The following TCEA3 variants were observed in gnomAD, a reference collection of about 807,000 sequenced individuals.
TCEA3 encodes the protein transcription elongation factor A3, also known as transcription elongation factor A protein 3.
In TCEA3, 36 loss-of-function variants were observed where a neutral mutation model predicts 44.0. The ratio of observed to expected loss-of-function variants is 0.82; its 90% CI spans 0.63 to 1.08. The LOEUF (loss-of-function observed/expected upper bound fraction) is 1.08. Among genes scored for constraint, TCEA3 ranks in the 50% least tolerant of loss-of-function variants. The pLI, the probability that TCEA3 is intolerant of heterozygous loss-of-function variation, is 0.00. For synonymous variants in TCEA3, 162 were observed against 159.7 expected (o/e 1.01, Z -0.11); for missense variants, 392 against 441.2 (o/e 0.89, Z 1.00).
intron 1 of TCEA3, among the ~76,000 whole-genome samples, chr1:23,422,295 C>T (rs985379151): frequency 2.0e-5 from 3 of 152,070 alleles, no homozygotes; most frequent in South Asian, 2.1e-4. Context: ...TGTCAGTAGC[C>T]GTGTCTCATA....
At chr1:23,399,080 A>G (rs557552864) in intron 5 of TCEA3, among the ~76,000 whole-genome samples, 152 of 147,030 alleles carry the variant, frequency 1.0e-3, no homozygotes, top group African/African-American at 3.6e-3. Flanking sequence ...CACCTATGCT[A>G]TAATCTATGA....
At position 23,384,359 on chromosome 1, in the gene TCEA3, C is replaced by T; in HGVS notation, c.1025G>A (p.Gly342Asp). 8 of 1,613,958 alleles carry T rather than the reference C, an allele frequency of 5.0e-6. No homozygotes were observed. The highest frequency in any genetic ancestry group is 6.8e-6 in the Non-Finnish European group (8 of 1,179,876). The change falls in exon 10 of 11, where the codon GGC (glycine) becomes GAC (aspartate). Residue 342 changes from glycine to aspartate, a missense_variant. Coordinates refer to ENST00000450454, the MANE Select transcript of TCEA3 (RefSeq NM_003196.3). ...MTTFVLCNEC[G>D]NRWKFC ...AAACATACAGACCTTCCAGCGATTG[C>T]CACATTCATTGCATAAGACAAAGGT...
chr1:23,416,037 G>A (rs1283919481), intron 4 of TCEA3, among the ~76,000 whole-genome samples: 2 of 121,816 alleles, frequency 1.6e-5, no homozygotes, highest in African/African-American at 6.8e-5. Context: ...ACGGAGTTTC[G>A]CTCTTATTGC....
intron 5 of TCEA3, among the ~76,000 whole-genome samples, chr1:23,401,382 T>C (rs954831256): frequency 6.6e-6 from 1 of 152,196 alleles, no homozygotes; most frequent in Non-Finnish European, 1.5e-5. Flanking sequence ...TGAAACTTAC[T>C]GTCCTAGATT....
intron 8 of TCEA3, among the ~76,000 whole-genome samples, chr1:23,393,047 T>C (rs1038787645): frequency 6.6e-6 from 1 of 151,956 alleles, no homozygotes; most frequent in Non-Finnish European, 1.5e-5. Flanking sequence ...AACTAGATGG[T>C]TCCCACTTGG....
At chr1:23,397,731 C>T (rs1384442682) in intron 6 of TCEA3, 61 bp downstream of exon 6, 3 of 1,611,678 alleles carry the variant, frequency 1.9e-6, no homozygotes, top group African/African-American at 1.3e-5. Context: ...TTCATCTGCC[C>T]TCAGTGAGAT....
At chr1:23,392,447 T>A (rs1558030479) in intron 8 of TCEA3, among the ~76,000 whole-genome samples, 247 of 22,108 alleles carry the variant, frequency 0.011, no homozygotes, top group Middle Eastern at 0.036. Flanking sequence ...TCATGCACAA[T>A]ACACACACAC....
intron 7 of TCEA3, 121 bp from the exon 8 acceptor site, chr1:23,394,154 G>C: frequency 8.0e-7 from 1 of 1,249,874 alleles, no homozygotes; most frequent in Non-Finnish European, 1.1e-6. Flanking sequence ...ACAGGAGTTG[G>C]GCCCCTCTTT....
chr1:23,421,155 C>T (rs1213445918), intron 1 of TCEA3, among the ~76,000 whole-genome samples: 1 of 152,156 alleles, frequency 6.6e-6, no homozygotes, highest in Non-Finnish European at 1.5e-5. Context: ...TAATTAAAGG[C>T]TTGCTATGTA....
At chr1:23,417,730 T>C (rs1639934867) in intron 3 of TCEA3, among the ~76,000 whole-genome samples, 174 bp downstream of exon 3, 1 of 152,236 alleles carries the variant, frequency 6.6e-6, no homozygotes, top group Admixed American at 6.5e-5. Context: ...ATCTTGCACT[T>C]GTGTACACAA....
intron 5 of TCEA3, among the ~76,000 whole-genome samples, chr1:23,399,144 G>GTATGTATATATATA (rs1553167291): frequency 1.6e-5 from 1 of 61,166 alleles, no homozygotes; most frequent in Non-Finnish European, 3.1e-5. Context: ...ATGTATATAT[G>GTATGTATATATATA]TATATATATA....
At chr1:23,423,619 A>C (rs1430256552) in intron 1 of TCEA3, among the ~76,000 whole-genome samples, 2 of 152,090 alleles carry the variant, frequency 1.3e-5, no homozygotes, top group Non-Finnish European at 2.9e-5. Flanking sequence ...GGATGGTGGG[A>C]GGAAGAGGAC....
At chr1:23,421,201 T>C (rs1440962273) in intron 1 of TCEA3, among the ~76,000 whole-genome samples, 1 of 152,224 alleles carries the variant, frequency 6.6e-6, no homozygotes, top group Non-Finnish European at 1.5e-5. Context: ...CTGTATTATC[T>C]CATTTAACAT....
intron 4 of TCEA3, among the ~76,000 whole-genome samples, chr1:23,409,268 C>T (rs943746666): frequency 3.9e-5 from 6 of 151,972 alleles, no homozygotes; most frequent in African/African-American, 1.5e-4. Flanking sequence ...TAAAGTCACG[C>T]AAGAAAACCA....
chr1:23,384,662 C>CTTTTTT (rs11341961), intron 9 of TCEA3, among the ~76,000 whole-genome samples: 1 of 116,500 alleles, frequency 8.6e-6, no homozygotes, highest in Non-Finnish European at 1.7e-5. Flanking sequence ...TGCACTTCCG[C>CTTTTTT]TTTTTTTTTT....
Position 23,418,120 on chromosome 1 carries a change from C to G in TCEA3, c.133-111G>C, listed in dbSNP as rs868233609. 16 of 1,022,028 alleles carry G rather than the reference C, an allele frequency of 1.6e-5. No homozygotes were observed. In the Middle Eastern group the frequency reaches 1.2e-3, roughly 75 times the overall value. The allele number at this position is 1,022,028 out of a possible 1,614,324, so 63.3% of individuals were successfully genotyped here. ...CCACCACCTCCCCTTCCAACCTGGA[C>G]CCCCAGAGTCCTAGCCCTGACTCCT... is the stretch of plus-strand genomic sequence containing the variant. On this transcript the variant is annotated intron_variant, in intron 2 of 10. Coordinates refer to ENST00000450454, the MANE Select transcript of TCEA3 (RefSeq NM_003196.3).
intron 5 of TCEA3, among the ~76,000 whole-genome samples, chr1:23,406,161 C>G (rs1347448423): frequency 2.6e-5 from 4 of 152,196 alleles, no homozygotes; most frequent in Non-Finnish European, 5.9e-5. Flanking sequence ...GCCTCAGACT[C>G]CCTCTCCAAT....
rs539177982 is a variant in TCEA3 at position 23,396,014 on chromosome 1, C to T, written c.664+1531G>A. Among the ~76,000 whole-genome samples, 8 of 152,136 alleles carry T rather than the reference C, an allele frequency of 5.3e-5. No individual in the cohort carries two copies. The South Asian group carries it at 1.7e-3, about 32-fold the overall frequency. ...GTTCTCATACCTTGTGTTCTGCCTT[C>T]TTGAATTAACAGGAAATGATGAAAA... On this transcript the variant is annotated intron_variant, in intron 7 of 10. Transcript: ENST00000450454.
intron 5 of TCEA3, 23 bp downstream of exon 5, chr1:23,408,641 G>T: frequency 6.2e-7 from 1 of 1,605,566 alleles, no homozygotes. Context: ...CACTGGGATG[G>T]AGAAAGCTGT....
Sources: gnomAD v4.1 joint callset for allele counts (sites outside exome capture counted in the v4.1 genomes callset) on GRCh38, gnomAD v4.1.1 for gene constraint, MANE v1.5 for transcripts, NCBI Gene and HGNC (gene_info 2026-07-23, HGNC 2026-07-21) for gene names.